Variants in A2ML1 observed in about 807,000 individuals in gnomAD.
A2ML1 encodes alpha-2-macroglobulin like 1, also known as alpha-2-macroglobulin-like protein 1.
A neutral mutation model predicts 181.9 loss-of-function variants in A2ML1; 161 were observed. The observed-to-expected ratio is 0.89, with a 90% CI of 0.78 to 1.01. The LOEUF (loss-of-function observed/expected upper bound fraction) is 1.01, where lower values mean the gene tolerates loss of function less well. Ranked by LOEUF, A2ML1 falls within the 50% of genes least tolerant of loss-of-function variation. The pLI is 0.00. For missense variants in A2ML1, 1,670 were observed against 1,768.1 expected (o/e 0.94, Z 1.00); for synonymous variants, 663 against 666.8 (o/e 0.99, Z 0.09).
chr12:8,862,086 GA>G (rs1244620333), intron 28 of A2ML1, among the ~76,000 whole-genome samples: 5 of 152,176 alleles, frequency 3.3e-5, no homozygotes, highest in Non-Finnish European at 7.3e-5. Flanking sequence ...AATGTGAAGA[GA>G]AACTACATTG....
In A2ML1 at chr12:8,867,912, A is replaced by G. The variant is rs1346196942; in HGVS notation, c.3788A>G (p.Asn1263Ser). The change falls in exon 30 of 36, where the codon AAC becomes AGC. Residue 1263 changes from asparagine to serine, a missense_variant. Transcript: ENST00000299698. ...GCCTACATGCCATCTGAGGAGATCA[A>G]CCTGGTTGTAAAATCCACTGAGAAT... ...TTAYMPSEEINLVVKSTENFQ... is the reference protein window; with the variant it reads ...TTAYMPSEEISLVVKSTENFQ... The G allele has an allele frequency of 3.1e-6, 5 of 1,614,228 alleles. No homozygotes were observed. The highest frequency in any genetic ancestry group is 2.2e-5 in the South Asian group (2 of 91,080).
rs1444764339 is a variant in A2ML1 at position 8,846,071 on chromosome 12, T to C, written c.1538-6T>C. 4 of 1,614,066 alleles carry C rather than the reference T, an allele frequency of 2.5e-6. No individual in the cohort carries two copies. The Admixed American group carries it at 5.0e-5, about 20-fold the overall frequency. ...ATTTTCCTGTATATTCCCTCTTCTC[T>C]TTCAGGACTGAAAGCCTCCTTCTCT... On this transcript the variant is annotated splice_region_variant and splice_polypyrimidine_tract_variant and intron_variant, in intron 13 of 35. Coordinates refer to ENST00000299698, the MANE Select transcript of A2ML1 (RefSeq NM_144670.6).
At chr12:8,854,380 G>T in intron 21 of A2ML1, 131 bp downstream of exon 21, 1 of 1,385,680 alleles carries the variant, frequency 7.2e-7, no homozygotes, top group African/African-American at 1.4e-5. Flanking sequence ...TCCTTCCCTG[G>T]CCCCTTGAAC....
intron 12 of A2ML1, chr12:8,845,120 A>T: frequency 2.0e-6 from 3 of 1,473,344 alleles, no homozygotes; most frequent in Non-Finnish European, 2.7e-6. Flanking sequence ...TGTTACAAAG[A>T]TTATAAGAAA....
chr12:8,836,534 A>G (rs1438097227), intron 7 of A2ML1, among the ~76,000 whole-genome samples, 195 bp downstream of exon 7: 3 of 138,838 alleles, frequency 2.2e-5, no homozygotes, highest in African/African-American at 8.3e-5. Flanking sequence ...CCCAGGCTGG[A>G]GTGCAATCAC....
chr12:8,830,401 C>T (rs1688241415), intron 4 of A2ML1, among the ~76,000 whole-genome samples: 1 of 94,636 alleles, frequency 1.1e-5, no homozygotes, highest in Non-Finnish European at 2.3e-5. Flanking sequence ...TTCTTCAGGA[C>T]TGACAAAAGC....
At chr12:8,848,944 G>T in intron 16 of A2ML1, 30 bp downstream of exon 16, 1 of 1,590,162 alleles carries the variant, frequency 6.3e-7, no homozygotes, top group Admixed American at 1.8e-5. Flanking sequence ...TTGTTCTTAT[G>T]GGAAAGATGG....
intron 31 of A2ML1, 24 bp from the exon 32 acceptor site, chr12:8,868,513 G>T (rs779204781): frequency 6.2e-7 from 1 of 1,612,082 alleles, no homozygotes; most frequent in Admixed American, 1.7e-5. Context: ...AGGCTCACAT[G>T]TGTTTTCTTC....
intron 3 of A2ML1, 25 bp downstream of exon 3, chr12:8,823,907 G>C (rs376819557): frequency 5.6e-6 from 9 of 1,596,382 alleles, no homozygotes; most frequent in Non-Finnish European, 7.7e-6. Context: ...TTTGGGGTTC[G>C]ACTAAAACCT....
At chr12:8,884,957 T>G (rs769756011) in intron 7 of A2ML1, among the ~76,000 whole-genome samples, 2 of 152,398 alleles carry the variant, frequency 1.3e-5, no homozygotes, top group East Asian at 3.9e-4. Flanking sequence ...ATATCTTTGC[T>G]ATTGTGAATA....
At position 8,835,440 on chromosome 12, in the gene A2ML1, CT is replaced by C. The variant is rs376219642; in HGVS notation, c.484-66del. On this transcript the variant is annotated intron_variant, in intron 5 of 35. Transcript: ENST00000299698. ...TTTTACCTGCCTTTTGCTTCTTTAC[CT>C]GCTTTTTGCAATGCAGAGTGGGAAG... The C allele has an allele frequency of 1.2e-4, 197 of 1,594,372 alleles. 3 individuals are homozygous for C. The Middle Eastern group carries it at 1.7e-3, about 14-fold the overall frequency.
At position 8,856,898 on chromosome 12, in the gene A2ML1, C is replaced by CTTTTTTTTTTTTTTTT. The variant is rs71891886; in HGVS notation, c.2849-262_2849-247dup. On this transcript the variant is annotated intron_variant, in intron 23 of 35. Coordinates refer to ENST00000299698, the MANE Select transcript of A2ML1 (RefSeq NM_144670.6). ...GTCTTCCCAGGACACACAGTAGGTA[C>CTTTTTTTTTTTTTTTT]TTTTTTTTTTTTTTTTTTTGTATTT... Among the ~76,000 whole-genome samples the CTTTTTTTTTTTTTTTT allele has an allele frequency of 4.0e-5, 5 of 124,962 alleles. 2 individuals are homozygous for CTTTTTTTTTTTTTTTT. Among genetic ancestry groups the CTTTTTTTTTTTTTTTT allele is most frequent in the Non-Finnish European group, 3.2e-5 (2 of 61,728 alleles). The allele number at this position is 124,962 out of a possible 152,430, so 82.0% of individuals were successfully genotyped here.
chr12:8,873,354 C>G (rs1455212206), intron 33 of A2ML1, among the ~76,000 whole-genome samples: 1 of 152,010 alleles, frequency 6.6e-6, no homozygotes, highest in Non-Finnish European at 1.5e-5. Context: ...ATCCTTCCAC[C>G]TCAGCTTCCC....
chr12:8,828,116 A>G (rs1461423125), intron 3 of A2ML1, among the ~76,000 whole-genome samples: 4 of 152,096 alleles, frequency 2.6e-5, no homozygotes, highest in Admixed American at 2.6e-4. Context: ...GCTACTGCCC[A>G]TGTTTGCTCA....
At position 8,839,500 on chromosome 12, in the gene A2ML1, T is replaced by A. The variant is rs561618381; in HGVS notation, c.1080+278T>A. Among the ~76,000 whole-genome samples, 39 of 136,774 alleles carry A rather than the reference T, an allele frequency of 2.9e-4. 1 individual carries two copies. The South Asian group carries it at 9.7e-3, about 34-fold the overall frequency. 89.7% of individuals were successfully genotyped at this position (136,774 alleles called of 152,430 possible). On this transcript the variant is annotated intron_variant, in intron 10 of 35. Coordinates refer to ENST00000299698, the MANE Select transcript of A2ML1 (RefSeq NM_144670.6). ...GGAAGCCTGCCTCCCGGGTATACACTCTCCACTCCCTGTACTCTGCTGCCC... is the reference window on the plus strand; with the variant it reads ...GGAAGCCTGCCTCCCGGGTATACACACTCCACTCCCTGTACTCTGCTGCCC...
At chr12:8,863,375 G>A (rs1944334749) in intron 28 of A2ML1, among the ~76,000 whole-genome samples, 1 of 152,116 alleles carries the variant, frequency 6.6e-6, no homozygotes, top group African/African-American at 2.4e-5. Context: ...CAAAGTGCTG[G>A]ATTACAGGTG....
intron 8 of A2ML1, 113 bp from the exon 9 acceptor site, chr12:8,838,223 G>T: frequency 1.5e-6 from 1 of 672,246 alleles, no homozygotes. Context: ...TTCTATATTA[G>T]AAACTGAAGT....
At chr12:8,868,924 ATATT>A (rs1304550699) in intron 32 of A2ML1, among the ~76,000 whole-genome samples, 2 of 152,254 alleles carry the variant, frequency 1.3e-5, no homozygotes, top group East Asian at 1.9e-4. Context: ...ATATATGTAT[ATATT>A]CATACACACA....
chr12:8,857,920 C>T (rs879134478), intron 25 of A2ML1, 26 bp from the exon 26 acceptor site: 1 of 1,608,154 alleles, frequency 6.2e-7, no homozygotes, highest in Non-Finnish European at 8.5e-7. Flanking sequence ...CCTCTTCATG[C>T]CATATTTTCC....
Sources: allele counts gnomAD v4.1 joint callset (sites outside exome capture counted in the v4.1 genomes callset), GRCh38; gene constraint gnomAD v4.1.1; transcripts MANE v1.5; gene names NCBI Gene and HGNC (gene_info 2026-07-23, HGNC 2026-07-21).